The following EYA4 variants were observed in gnomAD, a reference collection of about 807,000 sequenced individuals.
EYA4 encodes the protein EYA transcriptional coactivator and phosphatase 4, also known as protein phosphatase EYA4.
Under a neutral mutation model 87.9 loss-of-function variants are expected in EYA4, and 31 were observed. The observed-to-expected ratio is 0.35, with a 90% CI of 0.27 to 0.48. The LOEUF is 0.48. Among genes scored for constraint, EYA4 ranks in the 20% least tolerant of loss-of-function variants. The pLI is 0.99. For synonymous variants in EYA4, 263 were observed against 270.6 expected (o/e 0.97, Z 0.28); for missense variants, 678 against 761.4 (o/e 0.89, Z 1.29).
chr6:133,527,804 A>T (rs1800756699), intron 19 of EYA4, among the ~76,000 whole-genome samples: 1 of 152,194 alleles, frequency 6.6e-6, no homozygotes, highest in Non-Finnish European at 1.5e-5. Context: ...CCTTATATAC[A>T]TGAATATTTT....
intron 2 of EYA4, among the ~76,000 whole-genome samples, chr6:133,356,241 C>G (rs537935494): frequency 3.3e-5 from 5 of 152,242 alleles, no homozygotes; most frequent in African/African-American, 1.2e-4. Flanking sequence ...AACATGTGAA[C>G]TTTGGGGCAA....
intron 2 of EYA4, among the ~76,000 whole-genome samples, chr6:133,329,319 C>T (rs1306511400): frequency 6.6e-6 from 1 of 151,990 alleles, no homozygotes; most frequent in African/African-American, 2.4e-5. Flanking sequence ...TGCAATACTC[C>T]CAGTCCGTTG....
chr6:133,384,340 A>G (rs1240467612), intron 3 of EYA4, among the ~76,000 whole-genome samples: 1 of 152,208 alleles, frequency 6.6e-6, no homozygotes, highest in African/African-American at 2.4e-5. Flanking sequence ...ACTGCTTAAA[A>G]TATATTTGTC....
intron 2 of EYA4, among the ~76,000 whole-genome samples, chr6:133,304,021 G>C (rs955901632): frequency 1.3e-5 from 2 of 152,180 alleles, no homozygotes; most frequent in African/African-American, 4.8e-5. Context: ...TTCACATGCA[G>C]AAGGTTCAGA....
chr6:133,484,840 G>GC (rs1443857084), intron 13 of EYA4, among the ~76,000 whole-genome samples: 2 of 152,118 alleles, frequency 1.3e-5, no homozygotes, highest in Non-Finnish European at 2.9e-5. Flanking sequence ...TATCCATGTT[G>GC]CCCCCATTGT....
intron 13 of EYA4, among the ~76,000 whole-genome samples, chr6:133,483,622 A>G (rs1796421745): frequency 6.6e-6 from 1 of 151,740 alleles, no homozygotes; most frequent in Non-Finnish European, 1.5e-5. Flanking sequence ...AAAGTCAGCA[A>G]TAGATGGTCT....
At chr6:133,411,870 G>T (rs1370764508) in intron 3 of EYA4, among the ~76,000 whole-genome samples, 1 of 152,156 alleles carries the variant, frequency 6.6e-6, no homozygotes, top group African/African-American at 2.4e-5. Flanking sequence ...TCAGGTCAAA[G>T]GTCATGCATA....
At chr6:133,445,619 C>T (rs1792745785) in intron 3 of EYA4, among the ~76,000 whole-genome samples, 1 of 150,874 alleles carries the variant, frequency 6.6e-6, no homozygotes, top group Non-Finnish European at 1.5e-5. Flanking sequence ...CGCTCTGTCG[C>T]TCCGGCTGGA....
chr6:133,300,298 A>G (rs964912943), intron 2 of EYA4, among the ~76,000 whole-genome samples: 2 of 152,048 alleles, frequency 1.3e-5, no homozygotes, highest in African/African-American at 4.8e-5. Context: ...GGACCCACAC[A>G]ATTTAAACTC....
chr6:133,396,240 A>T (rs754577661), intron 3 of EYA4, among the ~76,000 whole-genome samples: 7 of 152,212 alleles, frequency 4.6e-5, no homozygotes, highest in Non-Finnish European at 8.8e-5. Context: ...GTCAGAAATA[A>T]TGTAATCTTT....
Position 133,529,252 on chromosome 6 carries a change from C to A in EYA4, c.*447C>A. ...AAATCTGAATTGGAATGCACTCAGA[C>A]TGTATAAGGACAGTCCTATTTAGAC... On this transcript the variant is annotated 3_prime_UTR_variant, in exon 20 of 20. Coordinates refer to ENST00000355286, the MANE Select transcript of EYA4 (RefSeq NM_004100.5). 1.8e-6 allele frequency: 2 copies of A among 1,123,218 alleles called. No individual in the cohort carries two copies. Among genetic ancestry groups the A allele is most frequent in the Non-Finnish European group, 2.2e-6 (2 of 911,452 alleles). The allele number at this position is 1,123,218 out of a possible 1,614,324, so 69.6% of individuals were successfully genotyped here.
chr6:133,469,090 G>A (rs969436704), intron 11 of EYA4, among the ~76,000 whole-genome samples: 21 of 151,988 alleles, frequency 1.4e-4, no homozygotes, highest in African/African-American at 5.1e-4. Flanking sequence ...CTTCACCTTT[G>A]TAAGTTGTCA....
intron 3 of EYA4, among the ~76,000 whole-genome samples, chr6:133,404,489 GT>G (rs980038905): frequency 8.1e-5 from 12 of 147,472 alleles, no homozygotes; most frequent in East Asian, 7.9e-4. Flanking sequence ...TTTCAGAGCT[GT>G]TTTTTTTTTC....
In EYA4 at chr6:133,507,084, G is replaced by A. The variant is rs9402513; in HGVS notation, c.1281+889G>A. 2.0e-4 allele frequency among the ~76,000 whole-genome samples: 30 copies of A among 152,140 alleles called. No individual in the cohort carries two copies. The East Asian group carries it at 5.8e-3, about 29-fold the overall frequency. On this transcript the variant is annotated intron_variant, in intron 14 of 19. Coordinates refer to ENST00000355286, the MANE Select transcript of EYA4 (RefSeq NM_004100.5). ...TCTATAGTCATATTATGAATTGAGA[G>A]GGAGATTACTACTACTGAACCCCTA...
At chr6:133,516,777 T>A (rs1399726887) in intron 17 of EYA4, among the ~76,000 whole-genome samples, 1 of 152,036 alleles carries the variant, frequency 6.6e-6, no homozygotes, top group Non-Finnish European at 1.5e-5. Flanking sequence ...ATTTGCTTTT[T>A]TGTTCCTGTG....
chr6:133,460,483 C>T (rs1794282868), intron 6 of EYA4, among the ~76,000 whole-genome samples: 1 of 152,062 alleles, frequency 6.6e-6, no homozygotes, highest in African/African-American at 2.4e-5. Context: ...TCTAATAGTT[C>T]AAAGTATATT....
intron 3 of EYA4, among the ~76,000 whole-genome samples, chr6:133,440,456 TC>T (rs1792161802): frequency 1.3e-5 from 2 of 152,204 alleles, no homozygotes; most frequent in Non-Finnish European, 2.9e-5. Flanking sequence ...TTCTTTTTTT[TC>T]ATTTGTTTTC....
intron 2 of EYA4, among the ~76,000 whole-genome samples, chr6:133,295,858 T>C (rs1778906561): frequency 6.6e-6 from 1 of 152,204 alleles, no homozygotes; most frequent in African/African-American, 2.4e-5. Context: ...CTGAAAATAC[T>C]GCAGTGAAAA....
At chr6:133,438,721 G>A (rs2128604046) in intron 3 of EYA4, among the ~76,000 whole-genome samples, 1 of 152,000 alleles carries the variant, frequency 6.6e-6, no homozygotes, top group South Asian at 2.1e-4. Context: ...CATGTAGTAA[G>A]CAACCATTAA....
Sources: gnomAD v4.1 joint callset for allele counts (sites outside exome capture counted in the v4.1 genomes callset) on GRCh38, gnomAD v4.1.1 for gene constraint, MANE v1.5 for transcripts, NCBI Gene and HGNC (gene_info 2026-07-23, HGNC 2026-07-21) for gene names.